The following PPFIBP1 variants were observed in gnomAD, a reference collection of about 807,000 sequenced individuals.
The protein encoded by PPFIBP1 is liprin-beta-1.
In PPFIBP1, 112 loss-of-function variants were observed where a neutral mutation model predicts 137.8. The ratio of observed to expected loss-of-function variants is 0.81; its 90% CI spans 0.70 to 0.95. The LOEUF (loss-of-function observed/expected upper bound fraction) is 0.95, where lower values mean the gene tolerates loss of function less well. Among genes scored for constraint, PPFIBP1 ranks in the 40% least tolerant of loss-of-function variants. PPFIBP1 has a pLI of 0.00. For synonymous variants in PPFIBP1, 378 were observed against 417.3 expected (o/e 0.91, Z 1.15); for missense variants, 1,083 against 1,196.6 (o/e 0.91, Z 1.40).
At chr12:27,526,607 G>A (rs1381154948) in intron 1 of PPFIBP1, among the ~76,000 whole-genome samples, 12 of 152,102 alleles carry the variant, frequency 7.9e-5, no homozygotes, top group Admixed American at 7.9e-4. Flanking sequence ...GCTGAGGCAC[G>A]CAGATCACCT....
intron 11 of PPFIBP1, among the ~76,000 whole-genome samples, chr12:27,661,404 T>A (rs544382163): frequency 2.0e-5 from 3 of 152,318 alleles, no homozygotes; most frequent in African/African-American, 7.2e-5. Flanking sequence ...CCCGAGAGAT[T>A]AAATACCAGA....
intron 4 of PPFIBP1, among the ~76,000 whole-genome samples, chr12:27,639,725 C>T (rs78621613): frequency 0.093 from 12,345 of 132,530 alleles, no homozygotes; most frequent in African/African-American, 0.16. Context: ...CATCATAATA[C>T]CCTTCTCTCT....
At position 27,687,458 on chromosome 12, in the gene PPFIBP1, G is replaced by T; in HGVS notation, c.2321G>T (p.Arg774Met). ...ATCAAAAGGGCCATCCAGGTCCTGA[G>T]GATCAATAACTTTGAACCAAACTGT... The part of the protein sequence containing the change: ...LSIKRAIQVL[R>M]INNFEPNCLR... Residue 774 changes from arginine to methionine, a missense_variant, in exon 25 of 30, where the codon AGG (arginine) becomes ATG (methionine). Arg to Met is a moderately conservative substitution (Grantham distance 91). Coordinates refer to ENST00000228425, the MANE Select transcript of PPFIBP1 (RefSeq NM_003622.4). 6.2e-7 allele frequency: 1 copy of T among 1,614,026 alleles called. No homozygotes were observed.
At chr12:27,536,006 G>A (rs1435571001) in intron 1 of PPFIBP1, among the ~76,000 whole-genome samples, 2 of 152,130 alleles carry the variant, frequency 1.3e-5, no homozygotes, top group Non-Finnish European at 2.9e-5. Flanking sequence ...GAGATAAAAC[G>A]CTAAGCCTCC....
chr12:27,614,394 G>T (rs186379981), intron 2 of PPFIBP1, among the ~76,000 whole-genome samples: 1 of 152,146 alleles, frequency 6.6e-6, no homozygotes, highest in Admixed American at 6.5e-5. Flanking sequence ...AAAAAAAAGA[G>T]AATAAAAGAC....
intron 2 of PPFIBP1, among the ~76,000 whole-genome samples, chr12:27,582,625 G>C (rs1339516840): frequency 6.6e-6 from 1 of 152,156 alleles, no homozygotes; most frequent in Non-Finnish European, 1.5e-5. Flanking sequence ...CTGTACTGTA[G>C]CGCTGTTCTA....
intron 2 of PPFIBP1, among the ~76,000 whole-genome samples, chr12:27,625,033 G>A (rs2056692820): frequency 6.6e-6 from 1 of 152,184 alleles, no homozygotes; most frequent in South Asian, 2.1e-4. Flanking sequence ...TACTTTTGGA[G>A]GCTGAGGTGA....
chr12:27,674,247 C>T, intron 17 of PPFIBP1, 26 bp downstream of exon 17: 2 of 1,556,276 alleles, frequency 1.3e-6, no homozygotes, highest in Admixed American at 1.8e-5. Context: ...AATTACAATG[C>T]AAAAATATTT....
chr12:27,527,487 C>G (rs1346533264), intron 1 of PPFIBP1, among the ~76,000 whole-genome samples: 1 of 152,076 alleles, frequency 6.6e-6, no homozygotes. Flanking sequence ...AAGCAGTCGA[C>G]CCACCTTGAC....
At chr12:27,647,989 A>G (rs2058645146) in intron 6 of PPFIBP1, 147 bp downstream of exon 6, 2 of 1,010,442 alleles carry the variant, frequency 2.0e-6, no homozygotes, top group South Asian at 3.1e-5. Context: ...TGAGAGTAGT[A>G]GAGTCTCAAA....
intron 2 of PPFIBP1, among the ~76,000 whole-genome samples, chr12:27,602,415 C>CTG (rs573473428): frequency 6.6e-5 from 10 of 152,028 alleles, no homozygotes; most frequent in South Asian, 4.2e-4. Flanking sequence ...TATCACCTCA[C>CTG]TGTGTGTGTG....
chr12:27,636,404 A>G (rs1406516487), intron 4 of PPFIBP1: 1 of 152,088 alleles, frequency 6.6e-6, no homozygotes, highest in Non-Finnish European at 1.5e-5. Flanking sequence ...GTTTCCTGAC[A>G]TATTCCTTAG....
At chr12:27,618,147 T>C (rs1456722309) in intron 2 of PPFIBP1, among the ~76,000 whole-genome samples, 2 of 152,204 alleles carry the variant, frequency 1.3e-5, no homozygotes, top group Admixed American at 1.3e-4. Flanking sequence ...CTGCAAAGCA[T>C]GTTTGGTGAT....
At chr12:27,605,109 C>T (rs911827976) in intron 2 of PPFIBP1, among the ~76,000 whole-genome samples, 6 of 152,102 alleles carry the variant, frequency 3.9e-5, no homozygotes, top group Admixed American at 6.5e-5. Context: ...AGAGTCAAAC[C>T]ATATGATTAC....
At chr12:27,651,207 A>G (rs902315484) in intron 7 of PPFIBP1, among the ~76,000 whole-genome samples, 1 of 152,130 alleles carries the variant, frequency 6.6e-6, no homozygotes, top group African/African-American at 2.4e-5. Flanking sequence ...TACAGTGGAA[A>G]GTCTTGGTAT....
chr12:27,675,268 A>G (rs74077232), intron 17 of PPFIBP1, among the ~76,000 whole-genome samples: 152 of 152,350 alleles, frequency 1.0e-3, no homozygotes, highest in African/African-American at 3.4e-3. Flanking sequence ...CAAAGCAGCC[A>G]GTGGTGACAG....
intron 1 of PPFIBP1, among the ~76,000 whole-genome samples, chr12:27,528,004 A>G (rs1943971692): frequency 6.6e-6 from 1 of 152,106 alleles, no homozygotes; most frequent in South Asian, 2.1e-4. Context: ...GCTGGAGTGC[A>G]GTGGCGTGAT....
At chr12:27,557,731 T>A (rs567577184) in intron 1 of PPFIBP1, among the ~76,000 whole-genome samples, 1 of 152,330 alleles carries the variant, frequency 6.6e-6, no homozygotes, top group East Asian at 1.9e-4. Flanking sequence ...ATGAAAAGTC[T>A]CCAACACTGT....
At chr12:27,529,795 T>G (rs7966425) in intron 1 of PPFIBP1, among the ~76,000 whole-genome samples, 3,419 of 152,316 alleles carry the variant, frequency 0.022, 140 homozygotes, top group African/African-American at 0.079. Context: ...GCAAGGTAGT[T>G]TTGGGGAAGA....
Sources: gnomAD v4.1 joint callset for allele counts (sites outside exome capture counted in the v4.1 genomes callset) on GRCh38, gnomAD v4.1.1 for gene constraint, MANE v1.5 for transcripts, NCBI Gene and HGNC (gene_info 2026-07-23, HGNC 2026-07-21) for gene names.